The following CHCHD6 variants were observed in gnomAD, a reference collection of about 807,000 sequenced individuals.
The protein encoded by CHCHD6 is coiled-coil-helix-coiled-coil-helix domain containing 6, also known as MICOS complex subunit MIC25.
In CHCHD6, 28 loss-of-function variants were observed where a neutral mutation model predicts 32.3. The ratio of observed to expected loss-of-function variants is 0.87; its 90% CI spans 0.64 to 1.19. CHCHD6 has a LOEUF of 1.19. Among genes scored for constraint, CHCHD6 ranks in the 50% most tolerant of loss-of-function variants. CHCHD6 has a pLI of 0.00. For missense variants in CHCHD6, 333 were observed against 307.0 expected, an observed-to-expected ratio of 1.08 and a Z score of -0.63; for synonymous variants, 122 against 117.5, an observed-to-expected ratio of 1.04 and a Z score of -0.25.
chr3:126,795,098 G>A (rs1046383409), intron 4 of CHCHD6, among the ~76,000 whole-genome samples: 2 of 152,144 alleles, frequency 1.3e-5, no homozygotes, highest in Admixed American at 1.3e-4. Flanking sequence ...AATGGGGAGT[G>A]TAGTTCATTC....
At chr3:126,731,695 G>A (rs1335580194) in intron 3 of CHCHD6, among the ~76,000 whole-genome samples, 2 of 152,136 alleles carry the variant, frequency 1.3e-5, no homozygotes, top group Non-Finnish European at 2.9e-5. Context: ...TTGCCCTCTA[G>A]TAGTTCAGCC....
At chr3:126,858,953 G>T (rs1941760328) in intron 5 of CHCHD6, among the ~76,000 whole-genome samples, 1 of 152,160 alleles carries the variant, frequency 6.6e-6, no homozygotes, top group Admixed American at 6.5e-5. Context: ...TCTGTCCCCC[G>T]CTGAGGTTTG....
At chr3:126,712,368 A>T (rs1379123025) in intron 1 of CHCHD6, among the ~76,000 whole-genome samples, 1 of 152,224 alleles carries the variant, frequency 6.6e-6, no homozygotes, top group Non-Finnish European at 1.5e-5. Flanking sequence ...TCAGCATATG[A>T]TCCTCATATA....
chr3:126,744,710 CAG>C (rs1168975591), intron 4 of CHCHD6, among the ~76,000 whole-genome samples: 1 of 152,056 alleles, frequency 6.6e-6, no homozygotes, highest in Non-Finnish European at 1.5e-5. Context: ...CTCCCCGAGA[CAG>C]AGTCTCATTC....
At chr3:126,770,500 C>T (rs1937524381) in intron 4 of CHCHD6, among the ~76,000 whole-genome samples, 1 of 152,196 alleles carries the variant, frequency 6.6e-6, no homozygotes, top group Admixed American at 6.5e-5. Flanking sequence ...AAGTATGCTC[C>T]TTCAATGCCT....
At chr3:126,857,584 G>A (rs1248062056) in intron 5 of CHCHD6, among the ~76,000 whole-genome samples, 1 of 152,176 alleles carries the variant, frequency 6.6e-6, no homozygotes, top group Non-Finnish European at 1.5e-5. Context: ...AGGCACACTG[G>A]TCTCTGCCTT....
At chr3:126,746,813 C>CT (rs1936522648) in intron 4 of CHCHD6, among the ~76,000 whole-genome samples, 2 of 152,178 alleles carry the variant, frequency 1.3e-5, no homozygotes, top group East Asian at 1.9e-4. Context: ...GCAGGTTTTC[C>CT]TTTTTTTTCC....
chr3:126,876,136 C>T (rs528726904), intron 5 of CHCHD6, among the ~76,000 whole-genome samples: 3 of 152,318 alleles, frequency 2.0e-5, no homozygotes, highest in African/African-American at 7.2e-5. Context: ...GCTCATATAG[C>T]CTGCTTCTTT....
chr3:126,705,798 ACT>A (rs1240213158), intron 1 of CHCHD6, among the ~76,000 whole-genome samples: 1 of 150,348 alleles, frequency 6.7e-6, no homozygotes, highest in South Asian at 2.1e-4. Flanking sequence ...TGGGTAAAAA[ACT>A]CTTTTGAGCC....
At chr3:126,946,605 G>A (rs80106163) in intron 6 of CHCHD6, among the ~76,000 whole-genome samples, 1,819 of 152,318 alleles carry the variant, frequency 0.012, 19 homozygotes, top group Middle Eastern at 0.048. Flanking sequence ...CCCGTGTGGC[G>A]TGTTGATCGA....
chr3:126,766,065 C>T (rs1383470936), intron 4 of CHCHD6, among the ~76,000 whole-genome samples: 1 of 151,816 alleles, frequency 6.6e-6, no homozygotes, highest in Non-Finnish European at 1.5e-5. Flanking sequence ...GTAGCATCTG[C>T]TTGGATCATG....
chr3:126,837,428 T>G (rs1402611050), intron 4 of CHCHD6, among the ~76,000 whole-genome samples: 1 of 152,032 alleles, frequency 6.6e-6, no homozygotes, highest in Non-Finnish European at 1.5e-5. Flanking sequence ...CCAAGCATGG[T>G]GTGTTTGTAG....
chr3:126,892,163 G>C (rs112068606), intron 5 of CHCHD6, among the ~76,000 whole-genome samples: 8 of 152,312 alleles, frequency 5.3e-5, no homozygotes, highest in African/African-American at 9.6e-5. Flanking sequence ...CTCCTCTGGA[G>C]GTTGTCATTA....
At chr3:126,717,886 C>T (rs896868875) in intron 1 of CHCHD6, among the ~76,000 whole-genome samples, 3 of 152,288 alleles carry the variant, frequency 2.0e-5, no homozygotes, top group South Asian at 2.1e-4. Context: ...CCCTCCATCA[C>T]GGAGCTTGTA....
intron 4 of CHCHD6, among the ~76,000 whole-genome samples, chr3:126,838,031 C>CG (rs922537036): frequency 2.0e-5 from 3 of 152,060 alleles, no homozygotes; most frequent in African/African-American, 7.2e-5. Flanking sequence ...GCAGATGGGG[C>CG]GGGGGAGCAG....
chr3:126,872,397 G>A (rs543320225), intron 5 of CHCHD6, among the ~76,000 whole-genome samples: 2 of 152,216 alleles, frequency 1.3e-5, no homozygotes, highest in South Asian at 2.1e-4. Context: ...AAGATGAAGA[G>A]ATCCTATTTG....
intron 4 of CHCHD6, among the ~76,000 whole-genome samples, chr3:126,809,355 G>A (rs1343870112): frequency 6.6e-6 from 1 of 152,168 alleles, no homozygotes; most frequent in Non-Finnish European, 1.5e-5. Context: ...GATTGTACTG[G>A]TAGAGTTGTG....
chr3:126,916,048 G>A (rs1360894982), intron 6 of CHCHD6, among the ~76,000 whole-genome samples: 1 of 152,128 alleles, frequency 6.6e-6, no homozygotes, highest in African/African-American at 2.4e-5. Context: ...AAGCTGATGG[G>A]GATACTACAT....
chr3:126,822,078 AC>A (rs1160882095), intron 4 of CHCHD6, among the ~76,000 whole-genome samples: 1 of 152,152 alleles, frequency 6.6e-6, no homozygotes, highest in Non-Finnish European at 1.5e-5. Flanking sequence ...AATTCAACTT[AC>A]CTATTTTTTC....
Sources: gnomAD v4.1 joint callset for allele counts (sites outside exome capture counted in the v4.1 genomes callset) on GRCh38, gnomAD v4.1.1 for gene constraint, MANE v1.5 for transcripts, NCBI Gene and HGNC (gene_info 2026-07-23, HGNC 2026-07-21) for gene names.